CD8B2: variants seen among roughly 807,000 people sequenced by gnomAD.
CD8B2 encodes CD8B family member 2, also known as T-cell surface glycoprotein CD8 beta-2 chain.
A neutral mutation model predicts 23.7 loss-of-function variants in CD8B2; 11 were observed. The observed-to-expected ratio is 0.46, with a 90% CI of 0.29 to 0.77. The LOEUF (loss-of-function observed/expected upper bound fraction) is 0.77, where lower values mean the gene tolerates loss of function less well. Among genes scored for constraint, CD8B2 ranks in the 30% least tolerant of loss-of-function variants. CD8B2 has a pLI of 0.09. For synonymous variants in CD8B2, 90 were observed against 109.3 expected (o/e 0.82, Z 1.10); for missense variants, 197 against 270.5 (o/e 0.73, Z 1.91).
chr2:106,493,008 G>T (rs561624557), intron 2 of CD8B2, among the ~76,000 whole-genome samples: 2 of 152,204 alleles, frequency 1.3e-5, no homozygotes, highest in African/African-American at 4.8e-5. Context: ...AATAAACACA[G>T]CTAGTTTCCC....
At chr2:106,537,328 C>A (rs1361724693) in intron 5 of CD8B2, among the ~76,000 whole-genome samples, 1 of 152,138 alleles carries the variant, frequency 6.6e-6, no homozygotes. Flanking sequence ...CCTAAACTTG[C>A]ACTTCCCTAG....
intron 1 of CD8B2, among the ~76,000 whole-genome samples, chr2:106,489,261 C>T (rs1679145021): frequency 6.6e-6 from 1 of 151,718 alleles, no homozygotes; most frequent in Non-Finnish European, 1.5e-5. Context: ...CCTCGATCTC[C>T]CAAAGTGCTG....
intron 5 of CD8B2, among the ~76,000 whole-genome samples, chr2:106,525,702 T>C (rs368508632): frequency 6.6e-6 from 1 of 152,224 alleles, no homozygotes; most frequent in Non-Finnish European, 1.5e-5. Context: ...ATTCTGGATA[T>C]TTTATATAAA....
At chr2:106,492,262 A>G (rs1286314416) in intron 2 of CD8B2, among the ~76,000 whole-genome samples, 1 of 152,172 alleles carries the variant, frequency 6.6e-6, no homozygotes, top group Admixed American at 6.5e-5. Flanking sequence ...TTAAATCAGC[A>G]AGTCCAGCAG....
At chr2:106,531,293 C>T (rs1173821551) in intron 5 of CD8B2, among the ~76,000 whole-genome samples, 1 of 152,184 alleles carries the variant, frequency 6.6e-6, no homozygotes. Context: ...AAGAGATACT[C>T]TCAGTGTTGG....
chr2:106,529,974 T>C (rs1419086379), intron 5 of CD8B2, among the ~76,000 whole-genome samples: 1 of 152,192 alleles, frequency 6.6e-6, no homozygotes, highest in Non-Finnish European at 1.5e-5. Context: ...GAAGTACTCA[T>C]ACCCTTGAGA....
intron 5 of CD8B2, among the ~76,000 whole-genome samples, chr2:106,518,457 T>G (rs931931006): frequency 6.6e-6 from 1 of 152,220 alleles, no homozygotes; most frequent in Non-Finnish European, 1.5e-5. Context: ...TGATAGGTTC[T>G]GAGCCCTGGA....
intron 5 of CD8B2, among the ~76,000 whole-genome samples, chr2:106,525,887 C>G (rs772833562): frequency 6.6e-6 from 1 of 152,164 alleles, no homozygotes; most frequent in Non-Finnish European, 1.5e-5. Flanking sequence ...CAATGAAGGA[C>G]AGAGAATTTG....
rs949419677 is a variant in CD8B2 at position 106,490,440 on chromosome 2, T to C, written c.44-434T>C. ...TACTTGGGAGGCTGAGGTGGGAAGA[T>C]AGATTGAGCCCAGGAGGTCAAGGCT... is the stretch of plus-strand genomic sequence containing the variant. On this transcript the variant is annotated intron_variant, in intron 1 of 5. Transcript: ENST00000643224. 3.3e-5 allele frequency among the ~76,000 whole-genome samples: 5 copies of C among 152,072 alleles called. No individual in the cohort carries two copies. The East Asian group carries it at 5.8e-4, about 18-fold the overall frequency.
chr2:106,534,903 C>A (rs542234276), intron 5 of CD8B2, among the ~76,000 whole-genome samples: 1 of 152,262 alleles, frequency 6.6e-6, no homozygotes, highest in South Asian at 2.1e-4. Context: ...ACTGCAACCT[C>A]CTCCGCCTTC....
intron 5 of CD8B2, among the ~76,000 whole-genome samples, chr2:106,530,678 C>G (rs940297285): frequency 6.6e-6 from 1 of 152,172 alleles, no homozygotes; most frequent in African/African-American, 2.4e-5. Flanking sequence ...GGGGCTGAGA[C>G]CTGCTAGGCT....
At chr2:106,537,729 GC>G (rs2104576624) in intron 5 of CD8B2, among the ~76,000 whole-genome samples, 1 of 152,266 alleles carries the variant, frequency 6.6e-6, no homozygotes, top group East Asian at 1.9e-4. Flanking sequence ...ATTTCTAAAA[GC>G]CCTTGCAGAG....
intron 3 of CD8B2, among the ~76,000 whole-genome samples, chr2:106,501,653 G>C (rs371498905): frequency 1.3e-5 from 2 of 152,206 alleles, no homozygotes; most frequent in African/African-American, 4.8e-5. Context: ...CTGCACTCCA[G>C]CCTGGGCGAC....
In CD8B2 at chr2:106,538,235, G is replaced by A. The variant is rs546267748; in HGVS notation, c.621-5757G>A. ...AGTGATTTGAGAAACGGGAAAATACGGTATAGGCAGGGTGGTCAACTCAGG... is the reference window on the plus strand; with the variant it reads ...AGTGATTTGAGAAACGGGAAAATACAGTATAGGCAGGGTGGTCAACTCAGG... On this transcript the variant is annotated intron_variant, in intron 5 of 5. Coordinates refer to the CD8B2 transcript ENST00000416057. 2.4e-4 allele frequency among the ~76,000 whole-genome samples: 37 copies of A among 152,240 alleles called. No individual in the cohort carries two copies. The South Asian group carries it at 7.5e-3, about 31-fold the overall frequency.
In CD8B2 at chr2:106,491,197, G is replaced by T; in HGVS notation, c.367G>T (p.Glu123Ter). Reference sequence around the variant, plus strand: ...CTTCTGCATGATCGTCGGGAGCCCCGAGCTGACCTTCGGGAAGGGAACTCA... The same window carrying T: ...CTTCTGCATGATCGTCGGGAGCCCCTAGCTGACCTTCGGGAAGGGAACTCA... ...IYFCMIVGSP[E>*]LTFGKGTQLS... The change falls in exon 2 of 6, where the codon GAG (glutamate) becomes TAG (stop). Residue 123 changes from glutamate (E) to a stop codon, truncating the protein, a stop_gained. Coordinates refer to ENST00000643224, the MANE Select transcript of CD8B2 (RefSeq NM_001349727.2). LOFTEE classifies it high-confidence loss of function. The T allele has an allele frequency of 6.2e-7, 1 of 1,611,076 alleles. No individual in the cohort carries two copies. Among genetic ancestry groups the T allele is most frequent in the South Asian group, 1.1e-5 (1 of 90,766 alleles).
chr2:106,487,831 G>A (rs1025504694), intron 1 of CD8B2, among the ~76,000 whole-genome samples: 4 of 152,136 alleles, frequency 2.6e-5, no homozygotes, highest in African/African-American at 9.7e-5. Flanking sequence ...GGATGTGCTC[G>A]GAGGAAGGTT....
chr2:106,511,273 T>C (rs542751912), downstream of CD8B2, among the ~76,000 whole-genome samples: 157 of 152,334 alleles, frequency 1.0e-3, no homozygotes, highest in African/African-American at 3.6e-3. Context: ...CAATTGCATT[T>C]ACTTGTCTGG....
chr2:106,517,513 T>G (rs116036298), intron 5 of CD8B2, among the ~76,000 whole-genome samples: 2 of 151,988 alleles, frequency 1.3e-5, no homozygotes, highest in African/African-American at 4.8e-5. Flanking sequence ...GACGGGAAAT[T>G]AACACCAACA....
intron 5 of CD8B2, among the ~76,000 whole-genome samples, chr2:106,536,915 A>C (rs1275411600): frequency 6.6e-6 from 1 of 152,204 alleles, no homozygotes; most frequent in Non-Finnish European, 1.5e-5. Flanking sequence ...AGAGCATGCC[A>C]ATCAAACTGT....
Sources: gnomAD v4.1 joint callset for allele counts (sites outside exome capture counted in the v4.1 genomes callset) on GRCh38, gnomAD v4.1.1 for gene constraint, MANE v1.5 for transcripts, NCBI Gene and HGNC (gene_info 2026-07-23, HGNC 2026-07-21) for gene names.